Variants in FBXO34 observed in about 807,000 individuals in gnomAD.
FBXO34 encodes the protein F-box protein 34, also known as F-box only protein 34.
In FBXO34, 12 loss-of-function variants were observed where a neutral mutation model predicts 24.5. The observed-to-expected ratio is 0.49, with a 90% CI of 0.31 to 0.79. FBXO34 has a LOEUF of 0.79. Among genes scored for constraint, FBXO34 ranks in the 30% least tolerant of loss-of-function variants. The pLI is 0.04. For missense variants in FBXO34, 823 were observed against 857.7 expected (o/e 0.96, Z 0.51); for synonymous variants, 320 against 311.9 (o/e 1.03, Z -0.27).
At chr14:55,331,072 A>T (rs548001326) in intron 1 of FBXO34, among the ~76,000 whole-genome samples, 3 of 152,326 alleles carry the variant, frequency 2.0e-5, no homozygotes, top group Non-Finnish European at 4.4e-5. Flanking sequence ...TTGCTTGAAC[A>T]TTCAAATTAG....
At chr14:55,364,794 TG>T (rs1224153292), downstream of FBXO34, among the ~76,000 whole-genome samples, 1 of 146,246 alleles carries the variant, frequency 6.8e-6, no homozygotes, top group Non-Finnish European at 1.5e-5. Flanking sequence ...TAGAGTACAG[TG>T]GTGCAATCAC....
intron 1 of FBXO34, among the ~76,000 whole-genome samples, chr14:55,275,326 G>A (rs1881296145): frequency 6.6e-6 from 1 of 152,212 alleles, no homozygotes; most frequent in East Asian, 1.9e-4. Context: ...TGCTATGTAA[G>A]TGTGGTTATT....
the FBXO34 span, among the ~76,000 whole-genome samples, chr14:55,384,253 G>GT: frequency 2.0e-5 from 3 of 152,134 alleles, no homozygotes; most frequent in Admixed American, 6.5e-5. Flanking sequence ...TTTTCTCCTC[G>GT]TGTGTGTATT....
At chr14:55,356,366 T>C (rs1884522843), downstream of FBXO34, among the ~76,000 whole-genome samples, 4 of 152,246 alleles carry the variant, frequency 2.6e-5, no homozygotes, top group African/African-American at 9.6e-5. Context: ...TGATGTTATC[T>C]AGCTGTATGT....
the FBXO34 span, chr14:55,390,872 C>A: frequency 7.2e-7 from 1 of 1,379,896 alleles, no homozygotes; most frequent in Admixed American, 2.0e-5. Flanking sequence ...TCCACATAGG[C>A]ACTTTCTAGG....
chr14:55,383,066 C>G, the FBXO34 span, among the ~76,000 whole-genome samples: 1 of 152,108 alleles, frequency 6.6e-6, no homozygotes, highest in East Asian at 1.9e-4. Context: ...ACAAAAAGAG[C>G]AGCTAGTTCA....
chr14:55,438,452 G>C, the FBXO34 span, among the ~76,000 whole-genome samples: 2 of 152,092 alleles, frequency 1.3e-5, no homozygotes, highest in African/African-American at 4.8e-5. Flanking sequence ...GGGACAATGG[G>C]CCCCAATTCC....
intron 1 of FBXO34, among the ~76,000 whole-genome samples, chr14:55,277,368 G>GA (rs1230450015): frequency 6.6e-6 from 1 of 152,206 alleles, no homozygotes; most frequent in Non-Finnish European, 1.5e-5. Flanking sequence ...TGCCCAGACT[G>GA]AAGTACAGTG....
chr14:55,322,007 T>G (rs1023100624), intron 1 of FBXO34, among the ~76,000 whole-genome samples: 18 of 152,332 alleles, frequency 1.2e-4, no homozygotes, highest in African/African-American at 4.1e-4. Flanking sequence ...TCCGCAAATA[T>G]CCAGTTTGCC....
intron 1 of FBXO34, among the ~76,000 whole-genome samples, chr14:55,280,526 A>ATTT (rs201409175): frequency 7.3e-5 from 7 of 95,896 alleles, no homozygotes; most frequent in African/African-American, 3.9e-4. Flanking sequence ...TATATCAGGA[A>ATTT]CTTTTTTTTT....
At chr14:55,275,680 C>A (rs1241058231) in intron 1 of FBXO34, among the ~76,000 whole-genome samples, 3 of 151,220 alleles carry the variant, frequency 2.0e-5, no homozygotes, top group African/African-American at 7.3e-5. Context: ...AAAAATTAGC[C>A]AGGCGTGGTG....
At chr14:55,405,192 C>G in the FBXO34 span, among the ~76,000 whole-genome samples, 10 of 152,090 alleles carry the variant, frequency 6.6e-5, no homozygotes, top group Non-Finnish European at 8.8e-5. Context: ...GAATTGAATT[C>G]TCAAGACAAT....
the FBXO34 span, among the ~76,000 whole-genome samples, chr14:55,378,724 G>A: frequency 6.6e-6 from 1 of 151,644 alleles, no homozygotes; most frequent in Non-Finnish European, 1.5e-5. Context: ...TTTTAGGCAG[G>A]GTCTCACTCT....
intron 1 of FBXO34, among the ~76,000 whole-genome samples, chr14:55,323,798 T>G (rs4366639): frequency 0.39 from 59,816 of 151,686 alleles, 11,994 homozygotes; most frequent in Non-Finnish European, 0.42. Flanking sequence ...CATTTGAGGT[T>G]CAGTTTATTG....
Position 55,332,001 on chromosome 14 carries a change from T to TG in FBXO34, c.-10-18379dup, listed in dbSNP as rs369617901. On this transcript the variant is annotated intron_variant, in intron 1 of 1. Transcript: ENST00000313833. Reference sequence around the variant, plus strand: ...AAAATATATATATACACCACCGTGGTGTATATATAAAAATATATATATACC... The same window carrying TG: ...AAAATATATATATACACCACCGTGGTGGTATATATAAAAATATATATATACC... Among the ~76,000 whole-genome samples, 5 of 128,240 alleles carry TG rather than the reference T, an allele frequency of 3.9e-5. No homozygotes were observed. In the East Asian group the frequency reaches 7.2e-4, roughly 18 times the overall value. The allele number at this position is 128,240 out of a possible 152,430, so 84.1% of individuals were successfully genotyped here.
the FBXO34 span, among the ~76,000 whole-genome samples, chr14:55,425,855 T>C: frequency 1.3e-5 from 2 of 152,214 alleles, no homozygotes; most frequent in Non-Finnish European, 2.9e-5. Context: ...GTGATCTCTA[T>C]GTGGGCAAGG....
chr14:55,430,422 A>G, the FBXO34 span, among the ~76,000 whole-genome samples: 7 of 137,384 alleles, frequency 5.1e-5, no homozygotes, highest in South Asian at 2.4e-4. Context: ...AAAAAAAAAA[A>G]AGAGATTGGG....
At chr14:55,317,620 T>C (rs1188829039) in intron 1 of FBXO34, among the ~76,000 whole-genome samples, 2 of 152,266 alleles carry the variant, frequency 1.3e-5, no homozygotes, top group African/African-American at 4.8e-5. Context: ...TAATATATAC[T>C]GTGCATCTCT....
At chr14:55,409,296 A>G in the FBXO34 span, among the ~76,000 whole-genome samples, 1 of 152,246 alleles carries the variant, frequency 6.6e-6, no homozygotes, top group Non-Finnish European at 1.5e-5. Context: ...AGTTTGGGAA[A>G]GAGGGACAGA....
Sources: allele counts gnomAD v4.1 joint callset (sites outside exome capture counted in the v4.1 genomes callset), GRCh38; gene constraint gnomAD v4.1.1; transcripts MANE v1.5; gene names NCBI Gene and HGNC (gene_info 2026-07-23, HGNC 2026-07-21).